CALN1: variants seen among roughly 807,000 people sequenced by gnomAD.
The protein encoded by CALN1 is calneuron 1.
A neutral mutation model predicts 30.6 loss-of-function variants in CALN1; 17 were observed. That is an observed-to-expected ratio of 0.56 (90% CI 0.38 to 0.83). CALN1 has a LOEUF of 0.83. Ranked by LOEUF, CALN1 falls within the 40% of genes least tolerant of loss-of-function variation. CALN1 has a pLI of 0.00. For synonymous variants in CALN1, 156 were observed against 131.4 expected, an observed-to-expected ratio of 1.19 and a Z score of -1.28; for missense variants, 291 against 354.9, an observed-to-expected ratio of 0.82 and a Z score of 1.45.
intron 3 of CALN1, among the ~76,000 whole-genome samples, chr7:72,225,100 T>G (rs984053302): frequency 4.8e-5 from 7 of 144,372 alleles, no homozygotes; most frequent in African/African-American, 1.8e-4. Flanking sequence ...AGACTCCATC[T>G]CAAAAAAAAA....
intron 5 of CALN1, among the ~76,000 whole-genome samples, chr7:71,863,907 C>A (rs1476316721): frequency 2.0e-5 from 3 of 152,196 alleles, no homozygotes; most frequent in African/African-American, 7.2e-5. Context: ...GAATTCTCCA[C>A]TGGATGTCTG....
chr7:71,822,253 T>C lies in CALN1; in HGVS notation c.502-11761A>G, dbSNP rs184310764. Among the ~76,000 whole-genome samples the C allele has an allele frequency of 3.7e-3, 556 of 152,278 alleles. 4 individuals are homozygous for C. The highest frequency in any genetic ancestry group is 0.012 in the African/African-American group (517 of 41,560). ...GTACTGTTGTTATTTTATTTCCTGC[T>C]TCTGGTTCTTCTGAGATGGCGTTTC... is the stretch of plus-strand genomic sequence containing the variant. On this transcript the variant is annotated intron_variant, in intron 5 of 6. Coordinates refer to ENST00000395275, the MANE Select transcript of CALN1 (RefSeq NM_031468.4).
At chr7:72,027,892 C>T (rs1444518584) in intron 4 of CALN1, among the ~76,000 whole-genome samples, 1 of 150,972 alleles carries the variant, frequency 6.6e-6, no homozygotes, top group African/African-American at 2.4e-5. Context: ...CCCGTCTCTA[C>T]TAAAAAACAC....
At chr7:72,479,631 C>A in the CALN1 span, among the ~76,000 whole-genome samples, 2 of 150,648 alleles carry the variant, frequency 1.3e-5, 1 homozygote, top group African/African-American at 4.9e-5. Flanking sequence ...TGGCTCACTG[C>A]AACCTCCATC....
At chr7:71,984,787 C>T (rs951895718) in intron 5 of CALN1, among the ~76,000 whole-genome samples, 1 of 152,144 alleles carries the variant, frequency 6.6e-6, no homozygotes, top group East Asian at 1.9e-4. Flanking sequence ...TTAGAGTAAC[C>T]CTGTATGGCA....
rs185698254 is a variant in CALN1 at position 71,922,762 on chromosome 7, C to T, written c.501+100895G>A. ...TATTATATATAAATATATAACATAC[C>T]GAATATATTATATATAAATATATAA... On this transcript the variant is annotated intron_variant, in intron 5 of 6. Transcript: ENST00000395275. Among the ~76,000 whole-genome samples the T allele has an allele frequency of 7.3e-5, 8 of 110,292 alleles. No homozygotes were observed. In the East Asian group the frequency reaches 1.1e-3, roughly 15 times the overall value. 72.4% of individuals were successfully genotyped at this position (110,292 alleles called of 152,430 possible). A position where few individuals can be genotyped will look rare whatever the true frequency, so the allele number is the denominator to read the frequency against.
At position 71,973,174 on chromosome 7, in the gene CALN1, T is replaced by G. The variant is rs530770435; in HGVS notation, c.501+50483A>C. On this transcript the variant is annotated intron_variant, in intron 5 of 6. Coordinates refer to ENST00000395275, the MANE Select transcript of CALN1 (RefSeq NM_031468.4). ...CTGAAAATTGAATTCTGTTTTGGGTTTTTTTTTTCCCTTTTTTTAAGACAC... is the reference window on the plus strand; with the variant it reads ...CTGAAAATTGAATTCTGTTTTGGGTGTTTTTTTTCCCTTTTTTTAAGACAC... 5.9e-5 allele frequency among the ~76,000 whole-genome samples: 9 copies of G among 151,374 alleles called. No individual in the cohort carries two copies. The East Asian group carries it at 1.7e-3, about 29-fold the overall frequency.
intron 2 of CALN1, among the ~76,000 whole-genome samples, chr7:72,322,772 C>A (rs1800976863): frequency 6.6e-6 from 1 of 151,604 alleles, no homozygotes; most frequent in African/African-American, 2.4e-5. Context: ...TAACTATAGT[C>A]AAAAATAATT....
intron 4 of CALN1, among the ~76,000 whole-genome samples, chr7:72,024,840 C>G (rs1800951715): frequency 1.3e-5 from 2 of 152,346 alleles, no homozygotes; most frequent in South Asian, 4.1e-4. Context: ...GTATGCCTAT[C>G]CCTCTGTCCG....
intron 4 of CALN1, among the ~76,000 whole-genome samples, chr7:72,070,541 C>T (rs1000823513): frequency 2.0e-5 from 3 of 152,064 alleles, no homozygotes; most frequent in African/African-American, 7.2e-5. Flanking sequence ...CTGCTTGGGC[C>T]CTTTTAGAAT....
chr7:72,180,498 AT>A (rs1214234461), intron 3 of CALN1, among the ~76,000 whole-genome samples: 2 of 145,402 alleles, frequency 1.4e-5, no homozygotes, highest in Non-Finnish European at 3.0e-5. Flanking sequence ...ACAATTATTC[AT>A]TGACATCTTC....
At chr7:72,350,896 T>C (rs1802886991) in intron 2 of CALN1, among the ~76,000 whole-genome samples, 1 of 152,206 alleles carries the variant, frequency 6.6e-6, no homozygotes, top group South Asian at 2.1e-4. Flanking sequence ...ATCCCAGCAC[T>C]TTGGGAGGCC....
intron 2 of CALN1, among the ~76,000 whole-genome samples, chr7:72,321,813 C>A (rs1293045440): frequency 6.6e-6 from 1 of 152,198 alleles, no homozygotes; most frequent in Non-Finnish European, 1.5e-5. Flanking sequence ...AGTGTCATCT[C>A]TCTTGGCATC....
chr7:72,324,774 G>T (rs1164149331), intron 2 of CALN1, among the ~76,000 whole-genome samples: 1 of 151,902 alleles, frequency 6.6e-6, no homozygotes, highest in Non-Finnish European at 1.5e-5. Context: ...GGTAGAGACA[G>T]GGTTTCACCC....
Position 72,177,749 on chromosome 7 carries a change from A to AGGG in CALN1, c.245-71458_245-71456dup, listed in dbSNP as rs57392713. 2.5e-5 allele frequency among the ~76,000 whole-genome samples: 3 copies of AGGG among 120,140 alleles called. No homozygotes were observed. The South Asian group carries it at 7.9e-4, about 32-fold the overall frequency. 78.8% of individuals were successfully genotyped at this position (120,140 alleles called of 152,430 possible). ...CACTTCACTCCAGCCTGGGCGACAGAGGGAAAAAAAAAAAAAAAAAAGGAC... is the reference window on the plus strand; with the variant it reads ...CACTTCACTCCAGCCTGGGCGACAGAGGGGGGAAAAAAAAAAAAAAAAAAGGAC... On this transcript the variant is annotated intron_variant, in intron 3 of 6. Transcript: ENST00000395275.
At chr7:72,098,279 G>C (rs560183046) in intron 4 of CALN1, among the ~76,000 whole-genome samples, 1 of 152,298 alleles carries the variant, frequency 6.6e-6, no homozygotes, top group African/African-American at 2.4e-5. Flanking sequence ...GCTGATGAAA[G>C]AGAAATGGAA....
chr7:71,846,886 CAT>C (rs1012132039), intron 5 of CALN1, among the ~76,000 whole-genome samples: 8 of 144,162 alleles, frequency 5.5e-5, no homozygotes, highest in South Asian at 2.1e-4. Flanking sequence ...TATATACACA[CAT>C]ATATGTATAT....
the CALN1 span, among the ~76,000 whole-genome samples, chr7:72,478,957 T>C: frequency 6.7e-6 from 1 of 149,564 alleles, no homozygotes; most frequent in Non-Finnish European, 1.5e-5. Flanking sequence ...TCTTGGCTCA[T>C]TGCAAACTCC....
At chr7:72,417,153 A>C (rs758660003), upstream of CALN1, among the ~76,000 whole-genome samples, 3 of 152,188 alleles carry the variant, frequency 2.0e-5, no homozygotes, top group Non-Finnish European at 4.4e-5. Context: ...ATAATAAGAC[A>C]ACAAGCGTTT....
Sources: allele counts gnomAD v4.1 joint callset (sites outside exome capture counted in the v4.1 genomes callset), GRCh38; gene constraint gnomAD v4.1.1; transcripts MANE v1.5; gene names NCBI Gene and HGNC (gene_info 2026-07-23, HGNC 2026-07-21).